The following NCAM2 variants were observed in gnomAD, a reference collection of about 807,000 sequenced individuals.
NCAM2 encodes the protein neural cell adhesion molecule 2.
NCAM2 carries 30 observed loss-of-function variants against 98.1 expected under a neutral mutation model. That is an observed-to-expected ratio of 0.31 (90% CI 0.23 to 0.41). The LOEUF is 0.41. Ranked by LOEUF, NCAM2 falls within the 10% of genes least tolerant of loss-of-function variation. The pLI is 1.00. For missense variants in NCAM2, 867 were observed against 1,005.8 expected (o/e 0.86, Z 1.87); for synonymous variants, 368 against 342.4 (o/e 1.07, Z -0.83).
intron 15 of NCAM2, among the ~76,000 whole-genome samples, chr21:21,479,448 G>A (rs1985578701): frequency 6.6e-6 from 1 of 151,476 alleles, no homozygotes; most frequent in South Asian, 2.1e-4. Context: ...GCCGGGCGTG[G>A]TGGTGGACGC....
intron 1 of NCAM2, among the ~76,000 whole-genome samples, chr21:21,129,697 C>T (rs531668721): frequency 3.3e-5 from 5 of 151,720 alleles, no homozygotes; most frequent in African/African-American, 9.7e-5. Context: ...TCGCTGTTGC[C>T]ACCTTTTAAT....
intron 11 of NCAM2, among the ~76,000 whole-genome samples, chr21:21,426,032 C>A (rs2077207331): frequency 6.6e-6 from 1 of 152,060 alleles, no homozygotes; most frequent in African/African-American, 2.4e-5. Flanking sequence ...ATGGTGCCTT[C>A]TGTGTGTCCT....
intron 1 of NCAM2, among the ~76,000 whole-genome samples, chr21:21,199,231 T>C (rs1465383637): frequency 1.3e-5 from 2 of 152,320 alleles, no homozygotes; most frequent in East Asian, 1.9e-4. Context: ...GCAAAATGTT[T>C]CCAATTATAA....
intron 2 of NCAM2, among the ~76,000 whole-genome samples, chr21:21,283,515 C>A (rs975913519): frequency 4.0e-5 from 6 of 151,806 alleles, no homozygotes; most frequent in African/African-American, 1.4e-4. Flanking sequence ...AGATAAGTAT[C>A]ATTTCAATGC....
rs367740134 is a variant in NCAM2 at position 21,018,976 on chromosome 21, C to T, written c.55+20358C>T. Among the ~76,000 whole-genome samples the T allele has an allele frequency of 2.1e-3, 325 of 152,286 alleles. 3 individuals carry two copies. The South Asian group carries it at 0.022, about 10-fold the overall frequency. On this transcript the variant is annotated intron_variant, in intron 1 of 17. Transcript: ENST00000400546. Reference sequence around the variant, plus strand: ...TCTGAGGTTTTCAGAATTCACATCACGTGGTTGGTCATTGAAGTATTCTGG... The same window carrying T: ...TCTGAGGTTTTCAGAATTCACATCATGTGGTTGGTCATTGAAGTATTCTGG...
At chr21:21,243,568 T>A (rs2071152079) in intron 1 of NCAM2, among the ~76,000 whole-genome samples, 1 of 152,200 alleles carries the variant, frequency 6.6e-6, no homozygotes, top group Non-Finnish European at 1.5e-5. Context: ...GTTGGCTGAC[T>A]TTGGCTTTGG....
chr21:21,267,035 C>G (rs1295141515), intron 1 of NCAM2, among the ~76,000 whole-genome samples: 1 of 152,098 alleles, frequency 6.6e-6, no homozygotes, highest in African/African-American at 2.4e-5. Context: ...TCCTAATCCT[C>G]TCCCTTCTCC....
At chr21:21,010,642 G>C (rs1186471002) in intron 1 of NCAM2, among the ~76,000 whole-genome samples, 1 of 152,034 alleles carries the variant, frequency 6.6e-6, no homozygotes, top group Non-Finnish European at 1.5e-5. Context: ...ACTATGGGAG[G>C]AAAGAGGACT....
chr21:21,045,214 A>T (rs1271588985), intron 1 of NCAM2, among the ~76,000 whole-genome samples: 1 of 152,228 alleles, frequency 6.6e-6, no homozygotes, highest in Admixed American at 6.5e-5. Flanking sequence ...AGCCCACTCC[A>T]GTCCACTCCT....
At chr21:21,459,933 G>A (rs1982717386) in intron 12 of NCAM2, among the ~76,000 whole-genome samples, 1 of 151,898 alleles carries the variant, frequency 6.6e-6, no homozygotes, top group Non-Finnish European at 1.5e-5. Flanking sequence ...TACATATTAA[G>A]TGTACAAATA....
At chr21:21,212,902 G>A (rs1315981069) in intron 1 of NCAM2, among the ~76,000 whole-genome samples, 1 of 151,810 alleles carries the variant, frequency 6.6e-6, no homozygotes, top group Non-Finnish European at 1.5e-5. Flanking sequence ...GACACCACGT[G>A]GGGCTAATTT....
At chr21:21,310,742 A>ACAT (rs2074023012) in intron 5 of NCAM2, among the ~76,000 whole-genome samples, 1 of 152,186 alleles carries the variant, frequency 6.6e-6, no homozygotes, top group South Asian at 2.1e-4. Flanking sequence ...TTTAACGTAT[A>ACAT]CATAGATTCA....
chr21:21,454,170 A>G (rs1335329006), intron 12 of NCAM2, among the ~76,000 whole-genome samples: 1 of 152,090 alleles, frequency 6.6e-6, no homozygotes, highest in East Asian at 1.9e-4. Context: ...GAGTGATGTT[A>G]AATTTTTCAT....
intron 1 of NCAM2, among the ~76,000 whole-genome samples, chr21:21,207,244 G>A (rs2069471566): frequency 6.6e-6 from 1 of 152,088 alleles, no homozygotes; most frequent in African/African-American, 2.4e-5. Flanking sequence ...AAAAGCTTTA[G>A]CGTTCTCGAG....
chr21:21,105,874 T>C (rs1307214679), intron 1 of NCAM2, among the ~76,000 whole-genome samples: 1 of 152,140 alleles, frequency 6.6e-6, no homozygotes, highest in Non-Finnish European at 1.5e-5. Flanking sequence ...AGACCATTTA[T>C]AATAGTGGAT....
intron 15 of NCAM2, among the ~76,000 whole-genome samples, chr21:21,496,508 A>C (rs2146322785): frequency 6.6e-6 from 1 of 152,208 alleles, no homozygotes; most frequent in South Asian, 2.1e-4. Flanking sequence ...GATTCTGGAT[A>C]ATAGACCTTT....
chr21:21,263,859 A>G (rs1238336540), intron 1 of NCAM2, among the ~76,000 whole-genome samples: 1 of 152,204 alleles, frequency 6.6e-6, no homozygotes, highest in Non-Finnish European at 1.5e-5. Flanking sequence ...AAGTAGCTCA[A>G]GATGAATTAA....
chr21:21,066,335 A>G (rs966161579), intron 1 of NCAM2, among the ~76,000 whole-genome samples: 3 of 152,168 alleles, frequency 2.0e-5, no homozygotes, highest in African/African-American at 7.2e-5. Flanking sequence ...GTATATTAGC[A>G]CATTTAAAAA....
At chr21:21,214,709 A>ATATATATATTCCATATATATAT (rs2069798647) in intron 1 of NCAM2, among the ~76,000 whole-genome samples, 1 of 65,356 alleles carries the variant, frequency 1.5e-5, no homozygotes, top group Admixed American at 1.8e-4. Context: ...AGGGGGAGTA[A>ATATATATATTCCATATATATAT]ATATATATAT....
Sources: allele counts gnomAD v4.1 joint callset (sites outside exome capture counted in the v4.1 genomes callset), GRCh38; gene constraint gnomAD v4.1.1; transcripts MANE v1.5; gene names NCBI Gene and HGNC (gene_info 2026-07-23, HGNC 2026-07-21).